Variants in DENND2C observed in about 807,000 individuals in gnomAD.
The protein encoded by DENND2C is DENN domain-containing protein 2C.
A neutral mutation model predicts 112.4 loss-of-function variants in DENND2C; 72 were observed. That is an observed-to-expected ratio of 0.64 (90% confidence interval 0.53 to 0.78). The LOEUF (loss-of-function observed/expected upper bound fraction) is 0.78, where lower values mean the gene tolerates loss of function less well. Ranked by LOEUF, DENND2C falls within the 30% of genes least tolerant of loss-of-function variation. DENND2C has a pLI of 0.00. For synonymous variants in DENND2C, 329 were observed against 381.6 expected (o/e 0.86, Z 1.61); for missense variants, 992 against 1,113.8 (o/e 0.89, Z 1.56).
intron 11 of DENND2C, among the ~76,000 whole-genome samples, chr1:114,604,654 T>C (rs1035887909): frequency 1.5e-5 from 2 of 136,820 alleles, no homozygotes; most frequent in African/African-American, 5.6e-5. Context: ...GTATGTAAAA[T>C]AGAACTTTTT....
At chr1:114,644,444 A>G (rs1372523798) in intron 3 of DENND2C, among the ~76,000 whole-genome samples, 18 of 152,192 alleles carry the variant, frequency 1.2e-4, no homozygotes, top group Admixed American at 1.2e-3. Flanking sequence ...AATCCTAAAT[A>G]TAAGAATGCT....
rs1047842528 is a variant in DENND2C at position 114,645,577 on chromosome 1, A to G, written c.-316-18T>C. 1 of 152,224 alleles carries G rather than the reference A, an allele frequency of 6.6e-6. No individual in the cohort carries two copies. Among genetic ancestry groups the G allele is most frequent in the African/African-American group, 2.4e-5 (1 of 41,462 alleles). 9.4% of individuals were successfully genotyped at this position (152,224 alleles called of 1,614,324 possible). ...CTAGCAAACTAATACAAAAGGCCAC[A>G]GTAATAGAAAAAGATAACTCACCAC... On this transcript the variant is annotated intron_variant, in intron 2 of 20. Coordinates refer to ENST00000393274, the MANE Select transcript of DENND2C (RefSeq NM_001256404.2).
At chr1:114,595,949 A>C in intron 16 of DENND2C, 76 bp from the exon 17 acceptor site, 1 of 1,337,076 alleles carries the variant, frequency 7.5e-7, no homozygotes, top group South Asian at 1.2e-5. Context: ...ATAGTTTTAA[A>C]CAAAATTTAC....
chr1:114,657,030 C>G (rs544701153), intron 1 of DENND2C, among the ~76,000 whole-genome samples: 13 of 148,102 alleles, frequency 8.8e-5, no homozygotes, highest in African/African-American at 3.2e-4. Flanking sequence ...GGATTACAGG[C>G]CTGAGCCACC....
At chr1:114,649,821 T>A (rs1383197972) in intron 2 of DENND2C, among the ~76,000 whole-genome samples, 1 of 152,176 alleles carries the variant, frequency 6.6e-6, no homozygotes, top group Non-Finnish European at 1.5e-5. Context: ...AAAAAAAGTT[T>A]TAAAAGTCAC....
At chr1:114,616,620 T>G (rs1004689770) in intron 8 of DENND2C, among the ~76,000 whole-genome samples, 1 of 151,672 alleles carries the variant, frequency 6.6e-6, no homozygotes, top group Non-Finnish European at 1.5e-5. Context: ...TTTGAGAGGC[T>G]GAGCTGGTGG....
At chr1:114,635,181 C>T (rs535848367) in intron 3 of DENND2C, among the ~76,000 whole-genome samples, 1 of 152,102 alleles carries the variant, frequency 6.6e-6, no homozygotes, top group Middle Eastern at 3.4e-3. Context: ...ATAAAATGTA[C>T]CAACCTTTTC....
At chr1:114,641,436 A>C (rs1278637439) in intron 3 of DENND2C, among the ~76,000 whole-genome samples, 2 of 152,068 alleles carry the variant, frequency 1.3e-5, no homozygotes, top group Non-Finnish European at 1.5e-5. Context: ...GTTGAGTGGG[A>C]GGTGTTTGTG....
intron 3 of DENND2C, among the ~76,000 whole-genome samples, chr1:114,643,240 G>A (rs1330154560): frequency 6.6e-6 from 1 of 152,202 alleles, no homozygotes; most frequent in Admixed American, 6.5e-5. Flanking sequence ...GCTAAGGCTT[G>A]TGTCAGGGAA....
At chr1:114,645,886 A>G (rs1418605714) in intron 2 of DENND2C, among the ~76,000 whole-genome samples, 1 of 152,126 alleles carries the variant, frequency 6.6e-6, no homozygotes, top group African/African-American at 2.4e-5. Context: ...TGAAATATCA[A>G]ATTTTGTCTG....
chr1:114,664,072 G>A (rs1323105537), intron 1 of DENND2C, among the ~76,000 whole-genome samples: 1 of 151,306 alleles, frequency 6.6e-6, no homozygotes, highest in Non-Finnish European at 1.5e-5. Context: ...CCAAGCGGCT[G>A]GGACCACAGG....
rs573333208 is a variant in DENND2C, at chr1:114,603,542, T to TTTA, written c.1668-1351_1668-1349dup. On this transcript the variant is annotated intron_variant, in intron 11 of 20. Transcript: ENST00000393274. ...TCCCTCCCTCCCTTCCTTCCTTCCTTTTATTATTATTATTATTATTTTTGG... is the reference window on the plus strand; with the variant it reads ...TCCCTCCCTCCCTTCCTTCCTTCCTTTTATTATTATTATTATTATTATTTTTGG... 1.9e-3 allele frequency among the ~76,000 whole-genome samples: 284 copies of TTTA among 151,206 alleles called. 1 individual carries two copies. The highest frequency in any genetic ancestry group is 0.018 in the South Asian group (86 of 4,756).
At chr1:114,645,176 G>T (rs7533963) in intron 3 of DENND2C, among the ~76,000 whole-genome samples, 1 of 151,928 alleles carries the variant, frequency 6.6e-6, no homozygotes, top group African/African-American at 2.4e-5. Flanking sequence ...TGGTTCTAAG[G>T]GTGTTATAGA....
intron 9 of DENND2C, 116 bp from the exon 10 acceptor site, chr1:114,608,989 T>G: frequency 8.7e-7 from 1 of 1,144,600 alleles, no homozygotes. Context: ...TGAATGAATG[T>G]TGAATAACCA....
chr1:114,643,161 C>T (rs1347928177), intron 3 of DENND2C, among the ~76,000 whole-genome samples: 1 of 152,134 alleles, frequency 6.6e-6, no homozygotes, highest in Non-Finnish European at 1.5e-5. Context: ...TTCTGCAATG[C>T]TGTCTTAGAA....
chr1:114,585,732 A>G (rs1029238891), intron 20 of DENND2C, 101 bp from the exon 21 acceptor site: 22 of 1,214,584 alleles, frequency 1.8e-5, no homozygotes, highest in East Asian at 4.7e-5. Flanking sequence ...GAACAGCCCA[A>G]GAGTTAAGCT....
intron 10 of DENND2C, among the ~76,000 whole-genome samples, chr1:114,605,718 T>C (rs1036490125): frequency 2.6e-5 from 4 of 152,268 alleles, no homozygotes; most frequent in Non-Finnish European, 5.9e-5. Flanking sequence ...TTCTTGAGCC[T>C]GGGAGGACGA....
chr1:114,655,883 A>ATATAT lies in DENND2C; in HGVS notation c.-573-1123_-573-1122insATATA, dbSNP rs1557960847. On this transcript the variant is annotated intron_variant, in intron 1 of 20. Transcript: ENST00000393274. ...AAGAACTTTTATATATATATGTATA[A>ATATAT]ATATATATATATATATAATATGTAT... Among the ~76,000 whole-genome samples the ATATAT allele has an allele frequency of 2.1e-3, 262 of 125,862 alleles. 3 individuals are homozygous for ATATAT. Among genetic ancestry groups the ATATAT allele is most frequent in the Middle Eastern group, 9.0e-3 (2 of 222 alleles). 82.6% of individuals were successfully genotyped at this position (125,862 alleles called of 152,430 possible).
chr1:114,585,352 T>C lies in DENND2C; in HGVS notation c.*248A>G, dbSNP rs752838036. ...ACAGAGAATGAGCCCAAGAATCACA[T>C]AGAAAAGGCTGCTATAAAAAAAAAA... is the stretch of plus-strand genomic sequence containing the variant. On this transcript the variant is annotated 3_prime_UTR_variant, in exon 21 of 21. Transcript: ENST00000393274. 8 of 438,930 alleles carry C rather than the reference T, an allele frequency of 1.8e-5. No individual in the cohort carries two copies. Among genetic ancestry groups the C allele is most frequent in the Non-Finnish European group, 2.9e-5 (7 of 242,764 alleles). The allele number at this position is 438,930 out of a possible 1,614,324, so 27.2% of individuals were successfully genotyped here. A position where few individuals can be genotyped will look rare whatever the true frequency, so the allele number is the denominator to read the frequency against.
Sources: allele counts gnomAD v4.1 joint callset (sites outside exome capture counted in the v4.1 genomes callset), GRCh38; gene constraint gnomAD v4.1.1; transcripts MANE v1.5; gene names NCBI Gene and HGNC (gene_info 2026-07-23, HGNC 2026-07-21).